The following SHANK2 variants were observed in gnomAD, a reference collection of about 807,000 sequenced individuals.
The protein encoded by SHANK2 is SH3 and multiple ankyrin repeat domains protein 2.
SHANK2 carries 43 observed loss-of-function variants against 133.7 expected under a neutral mutation model. That is an observed-to-expected ratio of 0.32 (90% CI 0.25 to 0.41). The LOEUF is 0.41. Among genes scored for constraint, SHANK2 ranks in the 10% least tolerant of loss-of-function variants. SHANK2 has a pLI of 1.00. For synonymous variants in SHANK2, 1,017 were observed against 952.8 expected (o/e 1.07, Z -1.24); for missense variants, 1,994 against 2,235.8 (o/e 0.89, Z 2.18).
Position 70,609,681 on chromosome 11 carries a change from TTGTATATAC to T in SHANK2, c.2061+50138_2061+50146del, listed in dbSNP as rs1433530440. On this transcript the variant is annotated intron_variant, in intron 17 of 25. Transcript: ENST00000601538. ...TATTGTATATACTGTATATTGTATC[TTGTATATAC>T]TGTATATTGTATATTCATATACTAT... Among the ~76,000 whole-genome samples the T allele has an allele frequency of 2.0e-5, 3 of 151,616 alleles. No homozygotes were observed. In the East Asian group the frequency reaches 5.8e-4, roughly 29 times the overall value.
intron 2 of SHANK2, among the ~76,000 whole-genome samples, chr11:71,203,361 A>T (rs1199839800): frequency 2.6e-5 from 4 of 152,206 alleles, no homozygotes; most frequent in Non-Finnish European, 4.4e-5. Context: ...TAAATCAGAG[A>T]GCTAATAAAT....
intron 17 of SHANK2, among the ~76,000 whole-genome samples, chr11:70,620,435 A>G (rs1554997270): frequency 6.6e-6 from 1 of 152,202 alleles, no homozygotes; most frequent in Non-Finnish European, 1.5e-5. Context: ...AGGTAATCCC[A>G]TCGTTATTAC....
chr11:70,504,213 T>TAAAC (rs1379215201), intron 17 of SHANK2, among the ~76,000 whole-genome samples: 2 of 150,536 alleles, frequency 1.3e-5, no homozygotes, highest in East Asian at 2.0e-4. Context: ...CTTCAAAAAC[T>TAAAC]AAACATCTGG....
intron 14 of SHANK2, among the ~76,000 whole-genome samples, chr11:70,708,142 C>G (rs530479466): frequency 1.3e-5 from 2 of 152,332 alleles, no homozygotes; most frequent in East Asian, 3.9e-4. Context: ...GACCAAGGTC[C>G]ATTTCTTCAT....
At chr11:70,844,410 C>A (rs1184859799) in intron 11 of SHANK2, among the ~76,000 whole-genome samples, 1 of 152,188 alleles carries the variant, frequency 6.6e-6, no homozygotes, top group Non-Finnish European at 1.5e-5. Flanking sequence ...GCCTTCACAG[C>A]CAGCATTCTC....
At position 70,820,531 on chromosome 11, in the gene SHANK2, G is replaced by A. The variant is rs1555055635; in HGVS notation, c.1326C>T (p.His442=). 3 of 717,132 alleles carry A rather than the reference G, an allele frequency of 4.2e-6. No homozygotes were observed. The Admixed American group carries it at 6.0e-5, about 14-fold the overall frequency. The allele number at this position is 717,132 out of a possible 1,614,324, so 44.4% of individuals were successfully genotyped here. The stretch of plus-strand genomic sequence containing the variant: ...GCAGCAGCTGGGGTGACAGGCTGCG[G>A]TGCGAGGTGGCCGTGGAGCAGACGG... ...DWAVCSTATS[H]RSLSPQLLQQ... Residue 442 remains histidine (H), a synonymous_variant, in exon 12 of 26, where the codon CAC becomes CAT. Coordinates refer to ENST00000601538, the MANE Select transcript of SHANK2 (RefSeq NM_012309.5).
Position 71,118,812 on chromosome 11 carries a change from T to G in SHANK2, c.411+17A>C. The G allele has an allele frequency of 6.5e-7, 1 of 1,531,898 alleles. No individual in the cohort carries two copies. The highest frequency in any genetic ancestry group is 2.5e-5 in the East Asian group (1 of 40,752). The allele number at this position is 1,531,898 out of a possible 1,614,324, so 94.9% of individuals were successfully genotyped here. ...TGTGACACAACCACAGTCCATGCAC[T>G]GTGGGCTGAAATATACCTCCAGGGA... On this transcript the variant is annotated intron_variant, in intron 4 of 25. Transcript: ENST00000601538.
At chr11:70,895,971 G>A (rs549258699) in intron 11 of SHANK2, among the ~76,000 whole-genome samples, 4 of 152,096 alleles carry the variant, frequency 2.6e-5, no homozygotes, top group East Asian at 3.9e-4. Flanking sequence ...CCCTGGAGTG[G>A]GCCATTTGTT....
intron 17 of SHANK2, chr11:70,604,718 T>C (rs1293707351): frequency 6.6e-6 from 1 of 152,290 alleles, no homozygotes; most frequent in Non-Finnish European, 1.5e-5. Context: ...GCCGCAAGCA[T>C]ACGCAGTGCT....
intron 14 of SHANK2, among the ~76,000 whole-genome samples, chr11:70,790,489 G>A (rs1401841764): frequency 6.6e-6 from 1 of 152,128 alleles, no homozygotes; most frequent in Admixed American, 6.5e-5. Context: ...CAGTAATGTG[G>A]GTGGGCCTCC....
At chr11:70,568,759 G>A (rs1327778657) in intron 17 of SHANK2, among the ~76,000 whole-genome samples, 1 of 151,714 alleles carries the variant, frequency 6.6e-6, no homozygotes, top group East Asian at 2.0e-4. Context: ...GCCAGGTTCA[G>A]GGAGCAATTC....
intron 1 of SHANK2, among the ~76,000 whole-genome samples, chr11:71,241,949 T>C (rs1376083149): frequency 2.0e-5 from 3 of 152,214 alleles, no homozygotes; most frequent in African/African-American, 7.2e-5. Flanking sequence ...ATGTTCGCAG[T>C]AGCATTATTC....
chr11:71,148,134 G>A (rs1428978479), intron 2 of SHANK2, among the ~76,000 whole-genome samples: 2 of 151,664 alleles, frequency 1.3e-5, no homozygotes, highest in Non-Finnish European at 2.9e-5. Context: ...GCCCAGGCTG[G>A]AGTGCAATGG....
At chr11:70,553,053 G>A (rs1250873538) in intron 17 of SHANK2, among the ~76,000 whole-genome samples, 4 of 152,034 alleles carry the variant, frequency 2.6e-5, no homozygotes, top group South Asian at 4.2e-4. Flanking sequence ...CAGTGATATC[G>A]GATTAAGGCC....
chr11:70,625,948 A>G (rs1355496246), intron 17 of SHANK2, among the ~76,000 whole-genome samples: 4 of 151,854 alleles, frequency 2.6e-5, no homozygotes, highest in African/African-American at 4.8e-5. Flanking sequence ...GACCTGGAGT[A>G]TTAATCCTCT....
chr11:71,058,879 C>T (rs1384964092), intron 9 of SHANK2, among the ~76,000 whole-genome samples: 1 of 152,274 alleles, frequency 6.6e-6, no homozygotes, highest in African/African-American at 2.4e-5. Flanking sequence ...GCTGAGTGGA[C>T]ACTGCACAGG....
At chr11:70,856,484 G>T (rs1020126101) in intron 11 of SHANK2, among the ~76,000 whole-genome samples, 8 of 151,730 alleles carry the variant, frequency 5.3e-5, no homozygotes, top group African/African-American at 1.9e-4. Context: ...ATAGGTGGGT[G>T]GGTGAATGGA....
intron 14 of SHANK2, among the ~76,000 whole-genome samples, chr11:70,757,839 A>G (rs1555039289): frequency 6.6e-6 from 1 of 152,132 alleles, no homozygotes; most frequent in Non-Finnish European, 1.5e-5. Flanking sequence ...GCCTGCATGA[A>G]TGTCCCAGGG....
intron 11 of SHANK2, among the ~76,000 whole-genome samples, chr11:70,844,121 C>A (rs544932424): frequency 3.3e-5 from 5 of 152,178 alleles, no homozygotes; most frequent in Admixed American, 6.5e-5. Flanking sequence ...ACACACCCAG[C>A]CCTCGCCTGG....
Sources: allele counts gnomAD v4.1 joint callset (sites outside exome capture counted in the v4.1 genomes callset), GRCh38; gene constraint gnomAD v4.1.1; transcripts MANE v1.5; gene names NCBI Gene and HGNC (gene_info 2026-07-23, HGNC 2026-07-21).